Variants in TAMM41 observed in about 807,000 individuals in gnomAD.
The protein encoded by TAMM41 is TAM41 mitochondrial translocator assembly and maintenance homolog, also known as phosphatidate cytidylyltransferase, mitochondrial.
A neutral mutation model predicts 44.1 loss-of-function variants in TAMM41; 36 were observed. The ratio of observed to expected loss-of-function variants is 0.82; its 90% CI spans 0.63 to 1.08. The LOEUF (loss-of-function observed/expected upper bound fraction) is 1.08, where lower values mean the gene tolerates loss of function less well. Among genes scored for constraint, TAMM41 ranks in the 50% least tolerant of loss-of-function variants. The pLI, the probability that TAMM41 is intolerant of heterozygous loss-of-function variation, is 0.00. For synonymous variants in TAMM41, 164 were observed against 153.1 expected (o/e 1.07, Z -0.53); for missense variants, 417 against 404.3 (o/e 1.03, Z -0.27).
chr3:11,743,629 G>C, the TAMM41 span, among the ~76,000 whole-genome samples: 13 of 152,128 alleles, frequency 8.5e-5, no homozygotes, highest in African/African-American at 3.1e-4. Context: ...CACCCTGCCT[G>C]GCCCCTAATA....
chr3:11,823,660 C>CTTT (rs34657936), intron 4 of TAMM41, among the ~76,000 whole-genome samples: 12 of 122,374 alleles, frequency 9.8e-5, no homozygotes, highest in East Asian at 4.8e-4. Flanking sequence ...TGCCTTTTTA[C>CTTT]TTTTTTTTTT....
the TAMM41 span, among the ~76,000 whole-genome samples, chr3:11,753,413 G>A: frequency 6.6e-6 from 1 of 151,950 alleles, no homozygotes; most frequent in East Asian, 1.9e-4. Context: ...CAGCCTGAGT[G>A]ACATAGCAAG....
chr3:11,816,296 T>C (rs1229558167), intron 5 of TAMM41, among the ~76,000 whole-genome samples: 1 of 151,274 alleles, frequency 6.6e-6, no homozygotes, highest in African/African-American at 2.4e-5. Flanking sequence ...AATACCTTGA[T>C]AAGAAAGTTT....
At chr3:11,838,712 T>A (rs1425396405) in intron 3 of TAMM41, among the ~76,000 whole-genome samples, 1 of 151,404 alleles carries the variant, frequency 6.6e-6, no homozygotes, top group Non-Finnish European at 1.5e-5. Flanking sequence ...CTTTTTTTTA[T>A]GGAGGTTCCA....
intron 6 of TAMM41, chr3:11,808,284 A>G: frequency 9.6e-7 from 1 of 1,046,508 alleles, no homozygotes; most frequent in Non-Finnish European, 1.1e-6. Context: ...AAAAACTTTC[A>G]TTCTGAAAAC....
chr3:11,729,408 C>T, the TAMM41 span, among the ~76,000 whole-genome samples: 1 of 151,762 alleles, frequency 6.6e-6, no homozygotes. Context: ...AGGAAGCTTA[C>T]CGAGAATGAA....
At chr3:11,832,106 T>A (rs2079005092) in intron 3 of TAMM41, among the ~76,000 whole-genome samples, 1 of 152,132 alleles carries the variant, frequency 6.6e-6, no homozygotes, top group African/African-American at 2.4e-5. Context: ...TCATTTAGGG[T>A]TATATTCTGG....
chr3:11,800,635 T>G lies in TAMM41; in HGVS notation c.937+7198A>C, dbSNP rs989761282. ...GGGTACAGCAAATCCTAAATATATA[T>G]GCACCCAACATAGGACCACCCAAAT... On this transcript the variant is annotated intron_variant, in intron 7 of 7. Coordinates refer to ENST00000455809, the MANE Select transcript of TAMM41 (RefSeq NM_001284401.2). Among the ~76,000 whole-genome samples the G allele has an allele frequency of 2.0e-5, 3 of 150,336 alleles. 1 individual carries two copies. The highest frequency in any genetic ancestry group is 7.3e-5 in the African/African-American group (3 of 41,052).
At chr3:11,802,579 A>C (rs757948219) in intron 7 of TAMM41, among the ~76,000 whole-genome samples, 10 of 152,210 alleles carry the variant, frequency 6.6e-5, no homozygotes, top group Admixed American at 4.6e-4. Context: ...GAACAAAAAG[A>C]AGCCCAGGAC....
chr3:11,731,980 C>T, the TAMM41 span, among the ~76,000 whole-genome samples: 1 of 151,956 alleles, frequency 6.6e-6, no homozygotes, highest in Non-Finnish European at 1.5e-5. Flanking sequence ...AATTCTCATG[C>T]CTCAGCCTCC....
At chr3:11,833,985 G>A (rs963569618) in intron 3 of TAMM41, among the ~76,000 whole-genome samples, 4 of 152,174 alleles carry the variant, frequency 2.6e-5, no homozygotes, top group African/African-American at 9.7e-5. Flanking sequence ...GCTCATGCCT[G>A]TAATCCTAGC....
chr3:11,802,180 T>C (rs1444683461), intron 7 of TAMM41, among the ~76,000 whole-genome samples: 1 of 152,198 alleles, frequency 6.6e-6, no homozygotes, highest in Admixed American at 6.5e-5. Flanking sequence ...ATTGTGCCAC[T>C]GCACCGTGTA....
intron 6 of TAMM41, chr3:11,808,380 A>G (rs1424155300): frequency 2.0e-6 from 2 of 998,236 alleles, no homozygotes; most frequent in African/African-American, 1.7e-5. Context: ...ATCATGTTCA[A>G]ACAAACAACA....
chr3:11,765,890 C>T, the TAMM41 span, among the ~76,000 whole-genome samples: 1 of 152,002 alleles, frequency 6.6e-6, no homozygotes, highest in Non-Finnish European at 1.5e-5. Context: ...TTAGTAGAGA[C>T]TGGGTTTCGC....
the TAMM41 span, among the ~76,000 whole-genome samples, chr3:11,738,831 G>A: frequency 2.0e-5 from 3 of 152,178 alleles, no homozygotes; most frequent in Non-Finnish European, 2.9e-5. Context: ...TCAGTGGGTG[G>A]TGGCACCCAG....
chr3:11,816,137 C>T (rs115748577), intron 5 of TAMM41, among the ~76,000 whole-genome samples: 4,008 of 151,452 alleles, frequency 0.026, 80 homozygotes, highest in Middle Eastern at 0.068. Context: ...ATCTATTACT[C>T]ATTACAATGT....
At chr3:11,724,009 G>T in the TAMM41 span, among the ~76,000 whole-genome samples, 165 of 150,856 alleles carry the variant, frequency 1.1e-3, no homozygotes, top group African/African-American at 3.9e-3. Context: ...GATGGGGGGG[G>T]GTGACACTAC....
chr3:11,793,274 T>A lies in TAMM41; in HGVS notation c.938-2693A>T, dbSNP rs145713433. ...ATAAACAAATGAAAAATGCTCAACT[T>A]CCTCAGTCATGAGGAAAATGTAAAT... is the stretch of plus-strand genomic sequence containing the variant. On this transcript the variant is annotated intron_variant, in intron 7 of 7. Transcript: ENST00000455809. 6.8e-3 allele frequency among the ~76,000 whole-genome samples: 1,029 copies of A among 152,172 alleles called. 8 individuals carry two copies. The highest frequency in any genetic ancestry group is 0.011 in the Non-Finnish European group (714 of 67,986).
At chr3:11,760,571 TG>T in the TAMM41 span, among the ~76,000 whole-genome samples, 1 of 152,090 alleles carries the variant, frequency 6.6e-6, no homozygotes, top group Non-Finnish European at 1.5e-5. Flanking sequence ...TGTTTTGTTT[TG>T]TTTTTTGAGA....
Sources: allele counts gnomAD v4.1 joint callset (sites outside exome capture counted in the v4.1 genomes callset), GRCh38; gene constraint gnomAD v4.1.1; transcripts MANE v1.5; gene names NCBI Gene and HGNC (gene_info 2026-07-23, HGNC 2026-07-21).